The following CFAP47 variants were observed in gnomAD, a reference collection of about 807,000 sequenced individuals.
CFAP47 encodes cilia- and flagella-associated protein 47.
Under a neutral mutation model 148.1 loss-of-function variants are expected in CFAP47, and 29 were observed. That is an observed-to-expected ratio of 0.20 (90% CI 0.15 to 0.27). CFAP47 has a LOEUF of 0.27. Among genes scored for constraint, CFAP47 ranks in the 10% least tolerant of loss-of-function variants. The probability of loss-of-function intolerance (pLI) is 1.00; values close to 1 mark genes in which losing one functional copy is unlikely to be tolerated. For missense variants in CFAP47, 1,872 were observed against 1,697.5 expected, an observed-to-expected ratio of 1.10 and a Z score of -1.81; for synonymous variants, 664 against 577.3, an observed-to-expected ratio of 1.15 and a Z score of -2.15.
At chrX:36,055,420 T>C (rs1403789657) in intron 26 of CFAP47, among the ~76,000 whole-genome samples, 1 of 111,392 alleles carries the variant, frequency 9.0e-6, no homozygotes, top group African/African-American at 3.3e-5. Context: ...ATGTGTTTGT[T>C]GTTTGGTTTT....
At chrX:36,107,177 TAAC>T (rs1938480194) in intron 33 of CFAP47, among the ~76,000 whole-genome samples, 1 of 111,950 alleles carries the variant, frequency 8.9e-6, no homozygotes, top group Admixed American at 9.5e-5. Flanking sequence ...AAGCAAAAAA[TAAC>T]AATTCCATTG....
intron 45 of CFAP47, among the ~76,000 whole-genome samples, chrX:36,208,061 G>T (rs2146886863): frequency 9.0e-6 from 1 of 111,366 alleles, no homozygotes; most frequent in Non-Finnish European, 1.9e-5. Flanking sequence ...AGAAGAAGAA[G>T]AAATTAGATT....
rs760585167 is a variant in CFAP47, at chrX:35,996,084, G to C, written c.3100-1228G>C. 5.0e-4 allele frequency among the ~76,000 whole-genome samples: 56 copies of C among 110,947 alleles called. 1 individual carries two copies. Among genetic ancestry groups the C allele is most frequent in the Non-Finnish European group, 7.6e-5 (4 of 52,952 alleles). On this transcript the variant is annotated intron_variant, in intron 18 of 63. Coordinates refer to ENST00000378653, the MANE Select transcript of CFAP47 (RefSeq NM_001304548.2). The stretch of plus-strand genomic sequence containing the variant: ...GTCCAGGGTGTAGTTTAAGTCTCTA[G>C]AGATGAAAATGTCAAGAGACCAGTG...
At chrX:36,014,996 C>T (rs1937080939) in intron 22 of CFAP47, 84 bp downstream of exon 22, 2 of 271,432 alleles carry the variant, frequency 7.4e-6, no homozygotes, top group African/African-American at 2.8e-5. Context: ...TAGAATATGC[C>T]ATTTGTTTTT....
intron 20 of CFAP47, among the ~76,000 whole-genome samples, chrX:36,000,742 T>C (rs1022189064): frequency 8.9e-6 from 1 of 112,041 alleles, no homozygotes; most frequent in Admixed American, 9.5e-5. Context: ...CTTGTTTTAA[T>C]TGCTCAATAA....
intron 49 of CFAP47, among the ~76,000 whole-genome samples, chrX:36,279,981 G>A (rs1445439883): frequency 9.0e-6 from 1 of 111,083 alleles, no homozygotes; most frequent in Non-Finnish European, 1.9e-5. Context: ...TGGGATTACA[G>A]GCATGAGCCA....
At chrX:36,252,661 C>T (rs1940706344) in intron 49 of CFAP47, among the ~76,000 whole-genome samples, 1 of 111,233 alleles carries the variant, frequency 9.0e-6, no homozygotes, top group Non-Finnish European at 1.9e-5. Flanking sequence ...TTTAGGTAAT[C>T]CATAAGAAGT....
At position 35,951,905 on chromosome X, in the gene CFAP47, A is replaced by C; in HGVS notation, c.988A>C (p.Asn330His). 3 of 1,179,935 alleles carry C rather than the reference A, an allele frequency of 2.5e-6. No individual in the cohort carries two copies. Among genetic ancestry groups the C allele is most frequent in the Non-Finnish European group, 3.4e-6 (3 of 886,622 alleles). ...TACTATCATTATCTCCTGTCTTCCTAATGAAGGGACTTTACAACCTTATCA... is the reference window on the plus strand; with the variant it reads ...TACTATCATTATCTCCTGTCTTCCTCATGAAGGGACTTTACAACCTTATCA... ...DTTIIISCLP[N>H]EGTLQPYQKT... Residue 330 changes from asparagine to histidine, a missense_variant, in exon 6 of 64, where the codon AAT becomes CAT. Coordinates refer to ENST00000378653, the MANE Select transcript of CFAP47 (RefSeq NM_001304548.2).
intron 11 of CFAP47, 89 bp from the exon 12 acceptor site, chrX:35,971,497 A>G: frequency 1.8e-6 from 1 of 569,771 alleles, no homozygotes; most frequent in Non-Finnish European, 2.7e-6. Flanking sequence ...CAGCAGCAAT[A>G]TGCACTATGG....
intron 62 of CFAP47, among the ~76,000 whole-genome samples, chrX:36,367,647 T>G (rs1941891754): frequency 9.0e-6 from 1 of 111,716 alleles, no homozygotes; most frequent in Non-Finnish European, 1.9e-5. Flanking sequence ...TTATTGTAAA[T>G]GTACATTTTA....
intron 39 of CFAP47, among the ~76,000 whole-genome samples, chrX:36,177,918 C>A (rs997159695): frequency 9.0e-6 from 1 of 111,628 alleles, no homozygotes; most frequent in African/African-American, 3.3e-5. Flanking sequence ...GTAAGAAAGA[C>A]ATGGAATCAA....
At chrX:36,179,786 T>G (rs920334222) in intron 40 of CFAP47, among the ~76,000 whole-genome samples, 5 of 111,253 alleles carry the variant, frequency 4.5e-5, no homozygotes, top group African/African-American at 1.6e-4. Context: ...AGACTCTATT[T>G]TCTTTTTTTT....
chrX:36,093,861 T>G (rs1397215136), intron 30 of CFAP47, among the ~76,000 whole-genome samples: 1 of 111,078 alleles, frequency 9.0e-6, no homozygotes, highest in Non-Finnish European at 1.9e-5. Flanking sequence ...CTTTGTTGAT[T>G]GTTTCCTTTG....
At chrX:36,245,760 GC>G (rs1323009251) in intron 48 of CFAP47, among the ~76,000 whole-genome samples, 2 of 111,282 alleles carry the variant, frequency 1.8e-5, no homozygotes, top group Non-Finnish European at 3.8e-5. Context: ...CAGAAATAAA[GC>G]CACACACCTA....
chrX:36,355,269 A>G (rs1941776640), intron 60 of CFAP47, among the ~76,000 whole-genome samples: 1 of 111,568 alleles, frequency 9.0e-6, no homozygotes, highest in African/African-American at 3.3e-5. Flanking sequence ...GTAGGAATGC[A>G]AAATGGTTCA....
chrX:35,987,810 C>A (rs139221010), intron 15 of CFAP47, among the ~76,000 whole-genome samples: 1 of 111,556 alleles, frequency 9.0e-6, no homozygotes, highest in African/African-American at 3.3e-5. Flanking sequence ...TGGGCTGGAA[C>A]GCACCATCCC....
chrX:36,325,196 G>C (rs781960227), intron 57 of CFAP47, among the ~76,000 whole-genome samples: 2 of 111,684 alleles, frequency 1.8e-5, no homozygotes, highest in Non-Finnish European at 3.8e-5. Context: ...CATTTACCAT[G>C]AACAATAGCA....
At chrX:35,943,092 C>A (rs1330801122) in intron 3 of CFAP47, among the ~76,000 whole-genome samples, 1 of 111,395 alleles carries the variant, frequency 9.0e-6, no homozygotes, top group African/African-American at 3.3e-5. Context: ...CTGTATATTA[C>A]ATTCAGATTA....
At chrX:36,334,878 T>C (rs1019715656) in intron 57 of CFAP47, among the ~76,000 whole-genome samples, 1 of 110,408 alleles carries the variant, frequency 9.1e-6, no homozygotes, top group Non-Finnish European at 1.9e-5. Flanking sequence ...TCTAAAAATG[T>C]TGGAGTATTA....
Sources: allele counts gnomAD v4.1 joint callset (sites outside exome capture counted in the v4.1 genomes callset), GRCh38; gene constraint gnomAD v4.1.1; transcripts MANE v1.5; gene names NCBI Gene and HGNC (gene_info 2026-07-23, HGNC 2026-07-21).